Variants in RIMS1 observed in about 807,000 individuals in gnomAD.
RIMS1 encodes the protein regulating synaptic membrane exocytosis protein 1.
A neutral mutation model predicts 214.1 loss-of-function variants in RIMS1; 83 were observed. The observed-to-expected ratio is 0.39, with a 90% confidence interval of 0.32 to 0.47. The LOEUF (loss-of-function observed/expected upper bound fraction) is 0.47, where lower values mean the gene tolerates loss of function less well. Ranked by LOEUF, RIMS1 falls within the 20% of genes least tolerant of loss-of-function variation. RIMS1 has a pLI of 0.99. For synonymous variants in RIMS1, 793 were observed against 786.8 expected (o/e 1.01, Z -0.13); for missense variants, 2,050 against 2,161.8 (o/e 0.95, Z 1.03).
At chr6:72,382,879 A>G (rs991716996) in intron 29 of RIMS1, among the ~76,000 whole-genome samples, 1 of 152,202 alleles carries the variant, frequency 6.6e-6, no homozygotes, top group Non-Finnish European at 1.5e-5. Context: ...AATCTCTTAA[A>G]TAGCAATCTA....
intron 2 of RIMS1, among the ~76,000 whole-genome samples, chr6:72,039,357 G>T (rs1158311832): frequency 6.6e-6 from 1 of 152,096 alleles, no homozygotes; most frequent in Admixed American, 6.6e-5. Flanking sequence ...AATACAGAGA[G>T]AAAATGTTAA....
chr6:72,121,713 G>T (rs997626053), intron 4 of RIMS1, among the ~76,000 whole-genome samples: 7 of 151,932 alleles, frequency 4.6e-5, no homozygotes, highest in Non-Finnish European at 1.0e-4. Context: ...GTGAGAGAGA[G>T]CATCCCTGTC....
intron 4 of RIMS1, among the ~76,000 whole-genome samples, chr6:72,168,004 A>T (rs928636847): frequency 6.6e-6 from 1 of 151,990 alleles, no homozygotes; most frequent in African/African-American, 2.4e-5. Flanking sequence ...AGATCTGGAA[A>T]TGGTATGGAT....
At chr6:72,389,393 A>T (rs771161129) in intron 29 of RIMS1, among the ~76,000 whole-genome samples, 12 of 152,352 alleles carry the variant, frequency 7.9e-5, no homozygotes, top group South Asian at 2.1e-4. Context: ...AATAAAAAAT[A>T]AAAATTTTAA....
chr6:71,890,848 C>A (rs1312646083), intron 1 of RIMS1, among the ~76,000 whole-genome samples: 9 of 150,164 alleles, frequency 6.0e-5, no homozygotes, highest in African/African-American at 2.2e-4. Flanking sequence ...AGAAGGTAAA[C>A]CAAATAATAT....
At position 72,182,733 on chromosome 6, in the gene RIMS1, C is replaced by T; in HGVS notation, c.1262C>T (p.Pro421Leu). 1.3e-6 allele frequency: 2 copies of T among 1,538,266 alleles called. No individual in the cohort carries two copies. The highest frequency in any genetic ancestry group is 8.7e-7 in the Non-Finnish European group (1 of 1,145,324). Residue 421 changes from proline (P) to leucine (L), a missense_variant, in exon 6 of 34, where the codon CCG becomes CTG. Around this residue, in one of 6 missense-constraint regions of RIMS1, gnomAD observed 882 missense variants for 828.9 expected, o/e 1.06. Coordinates refer to ENST00000521978, the MANE Select transcript of RIMS1 (RefSeq NM_014989.7). ...GCGCCGGCGGCAGCCAGGGCCTCGC[C>T]GCCGGACTCGCCGCGGGCTTACTCG... ...KRAPAAARAS[P>L]PDSPRAYSAE...
At chr6:72,341,793 C>T (rs1199211665) in intron 29 of RIMS1, among the ~76,000 whole-genome samples, 5 of 151,754 alleles carry the variant, frequency 3.3e-5, no homozygotes, top group Non-Finnish European at 2.9e-5. Context: ...AGGATGAGGG[C>T]ACATACAGAA....
rs61651151 is a variant in RIMS1 at position 72,196,580 on chromosome 6, C to CTTTTTTTTTT, written c.1678+13445_1678+13454dup. Among the ~76,000 whole-genome samples the CTTTTTTTTTT allele has an allele frequency of 3.7e-4, 21 of 57,210 alleles. 7 individuals carry two copies. The highest frequency in any genetic ancestry group is 1.8e-3 in the East Asian group (3 of 1,666). 37.5% of individuals were successfully genotyped at this position (57,210 alleles called of 152,430 possible). A position where few individuals can be genotyped will look rare whatever the true frequency, so the allele number is the denominator to read the frequency against. Reference sequence around the variant, plus strand: ...AGTACTGTGCTGGCAGCCAGCTGCACTTTTTTTTTTTTTTTTTTTTTTTAC... The same window carrying CTTTTTTTTTT: ...AGTACTGTGCTGGCAGCCAGCTGCACTTTTTTTTTTTTTTTTTTTTTTTTTTTTTTTTTAC... On this transcript the variant is annotated intron_variant, in intron 6 of 33. Coordinates refer to ENST00000521978, the MANE Select transcript of RIMS1 (RefSeq NM_014989.7).
rs1295481411 is a variant in RIMS1 at position 72,258,291 on chromosome 6, G to A, written c.2927+10G>A. ...ATGTGCCATTACAGAGGTAGGCTTT[G>A]AAATGGGCTCAGTGTCCCTGACAGT... On this transcript the variant is annotated intron_variant, in intron 17 of 33. Transcript: ENST00000521978. 2 of 1,612,158 alleles carry A rather than the reference G, an allele frequency of 1.2e-6. No homozygotes were observed. Among genetic ancestry groups the A allele is most frequent in the Non-Finnish European group, 1.7e-6 (2 of 1,178,810 alleles).
At chr6:71,895,206 C>T (rs1236877534) in intron 1 of RIMS1, among the ~76,000 whole-genome samples, 3 of 152,164 alleles carry the variant, frequency 2.0e-5, no homozygotes, top group African/African-American at 7.2e-5. Flanking sequence ...TTGATTAGTT[C>T]ACAATTTACA....
intron 2 of RIMS1, among the ~76,000 whole-genome samples, chr6:72,087,927 G>C (rs1835090267): frequency 1.3e-5 from 2 of 152,150 alleles, no homozygotes; most frequent in African/African-American, 4.8e-5. Context: ...TGTGTAAGCT[G>C]AACCAATTGA....
intron 31 of RIMS1, among the ~76,000 whole-genome samples, chr6:72,394,488 A>T (rs2098750746): frequency 6.6e-6 from 1 of 152,108 alleles, no homozygotes. Context: ...AAGAGATCAA[A>T]ATTGAAGTCA....
chr6:72,242,735 T>G (rs960505729), intron 10 of RIMS1, among the ~76,000 whole-genome samples: 1 of 151,878 alleles, frequency 6.6e-6, no homozygotes, highest in Non-Finnish European at 1.5e-5. Flanking sequence ...CAGATATATT[T>G]AAGTAATTCT....
intron 28 of RIMS1, among the ~76,000 whole-genome samples, chr6:72,321,322 G>A (rs2096147219): frequency 6.6e-6 from 1 of 151,996 alleles, no homozygotes; most frequent in Admixed American, 6.6e-5. Context: ...CATACATGAT[G>A]TAAGTAATTG....
Position 72,109,270 on chromosome 6 carries a change from T to C in RIMS1, c.471+9284T>C, listed in dbSNP as rs545314139. Reference sequence around the variant, plus strand: ...TTCTAGTTCTAGATCCCTGAGGAATTGCCACACTGACTTCCACAATGGTTG... The same window carrying C: ...TTCTAGTTCTAGATCCCTGAGGAATCGCCACACTGACTTCCACAATGGTTG... On this transcript the variant is annotated intron_variant, in intron 4 of 33. Coordinates refer to ENST00000521978, the MANE Select transcript of RIMS1 (RefSeq NM_014989.7). 4.9e-3 allele frequency among the ~76,000 whole-genome samples: 749 copies of C among 152,008 alleles called. 5 individuals carry two copies. The highest frequency in any genetic ancestry group is 0.017 in the African/African-American group (715 of 41,344).
chr6:72,011,583 G>C (rs1810631924), intron 2 of RIMS1, among the ~76,000 whole-genome samples: 1 of 152,106 alleles, frequency 6.6e-6, no homozygotes, highest in African/African-American at 2.4e-5. Flanking sequence ...CTACTCATCT[G>C]ACAAAGGGCT....
intron 2 of RIMS1, among the ~76,000 whole-genome samples, chr6:72,065,079 G>A (rs977356702): frequency 5.3e-5 from 8 of 152,164 alleles, no homozygotes; most frequent in Non-Finnish European, 1.0e-4. Flanking sequence ...GATATGATTA[G>A]TTATTAATTA....
At chr6:72,208,862 T>A (rs72937896) in intron 6 of RIMS1, among the ~76,000 whole-genome samples, 2 of 152,318 alleles carry the variant, frequency 1.3e-5, no homozygotes, top group Non-Finnish European at 2.9e-5. Context: ...ATCCTGGCAC[T>A]GTCTGACATT....
intron 29 of RIMS1, among the ~76,000 whole-genome samples, chr6:72,386,702 C>T (rs546720837): frequency 3.3e-5 from 5 of 151,130 alleles, no homozygotes; most frequent in South Asian, 2.1e-4. Context: ...TCCCTATCAG[C>T]GATATTGTAT....
Sources: allele counts gnomAD v4.1 joint callset (sites outside exome capture counted in the v4.1 genomes callset), GRCh38; gene constraint gnomAD v4.1.1; regional missense constraint gnomAD v4.1.1; transcripts MANE v1.5; gene names NCBI Gene and HGNC (gene_info 2026-07-23, HGNC 2026-07-21).